PTDSS1: variants seen among roughly 807,000 people sequenced by gnomAD.
The protein encoded by PTDSS1 is phosphatidylserine synthase 1.
In PTDSS1, 45 loss-of-function variants were observed where a neutral mutation model predicts 70.5. That is an observed-to-expected ratio of 0.64 (90% CI 0.50 to 0.82). The LOEUF is 0.82. Ranked by LOEUF, PTDSS1 falls within the 40% of genes least tolerant of loss-of-function variation. PTDSS1 has a pLI of 0.00. For missense variants in PTDSS1, 417 were observed against 586.1 expected, an observed-to-expected ratio of 0.71 and a Z score of 2.98; for synonymous variants, 188 against 203.8, an observed-to-expected ratio of 0.92 and a Z score of 0.66.
intron 12 of PTDSS1, among the ~76,000 whole-genome samples, chr8:96,332,645 A>G (rs1290971632): frequency 6.6e-6 from 1 of 152,270 alleles, no homozygotes; most frequent in Non-Finnish European, 1.5e-5. Flanking sequence ...ACTGAAGAGA[A>G]TTAAGCAGTA....
intron 6 of PTDSS1, among the ~76,000 whole-genome samples, chr8:96,300,483 A>G (rs1011455490): frequency 3.9e-5 from 6 of 152,162 alleles, no homozygotes; most frequent in African/African-American, 1.4e-4. Flanking sequence ...AATAGTTTTA[A>G]GTTGCATACC....
At chr8:96,303,305 T>G (rs1398648201) in intron 6 of PTDSS1, among the ~76,000 whole-genome samples, 1 of 152,152 alleles carries the variant, frequency 6.6e-6, no homozygotes, top group Non-Finnish European at 1.5e-5. Context: ...GGTGGGTGGA[T>G]GAAGGAACAG....
Position 96,334,085 on chromosome 8 carries a change from TTTA to T in PTDSS1, c.*520_*522del. On this transcript the variant is annotated 3_prime_UTR_variant, in exon 13 of 13. Transcript: ENST00000517309. ...TAAGTTAGGATGCTTTTTAACAGCC[TTTA>T]GAAGCCGCTGCTGAAATTGATACTG... 2.7e-6 allele frequency: 1 copy of T among 368,208 alleles called. No homozygotes were observed. The highest frequency in any genetic ancestry group is 4.9e-6 in the Non-Finnish European group (1 of 205,534). The allele number at this position is 368,208 out of a possible 1,614,324, so 22.8% of individuals were successfully genotyped here. A position where few individuals can be genotyped will look rare whatever the true frequency, so the allele number is the denominator to read the frequency against.
chr8:96,281,761 A>G (rs1810740859), intron 2 of PTDSS1, among the ~76,000 whole-genome samples: 1 of 152,148 alleles, frequency 6.6e-6, no homozygotes, highest in Non-Finnish European at 1.5e-5. Flanking sequence ...GAAAGTCCCC[A>G]GGTGCTCCTC....
At chr8:96,280,378 T>A (rs1810717793) in intron 2 of PTDSS1, among the ~76,000 whole-genome samples, 1 of 151,870 alleles carries the variant, frequency 6.6e-6, no homozygotes, top group African/African-American at 2.4e-5. Flanking sequence ...AAGAATTAGC[T>A]GGGCGTGGTG....
chr8:96,307,080 A>C (rs1811134648), intron 8 of PTDSS1, among the ~76,000 whole-genome samples: 1 of 152,140 alleles, frequency 6.6e-6, no homozygotes, highest in Admixed American at 6.5e-5. Context: ...CCCTGGATTA[A>C]TGTGGGGCCC....
chr8:96,294,254 A>G (rs981746788), intron 4 of PTDSS1, among the ~76,000 whole-genome samples: 1 of 152,150 alleles, frequency 6.6e-6, no homozygotes, highest in Non-Finnish European at 1.5e-5. Context: ...TAAAACTATT[A>G]TAGTTTATAG....
intron 1 of PTDSS1, among the ~76,000 whole-genome samples, chr8:96,264,600 T>A (rs1009864575): frequency 2.6e-5 from 4 of 152,232 alleles, no homozygotes; most frequent in Non-Finnish European, 5.9e-5. Flanking sequence ...TATGGTATTT[T>A]GTTTTAAATA....
chr8:96,307,890 G>A (rs1044201167), intron 8 of PTDSS1, among the ~76,000 whole-genome samples: 13 of 152,116 alleles, frequency 8.5e-5, no homozygotes, highest in African/African-American at 2.4e-4. Flanking sequence ...AAAATCCAAC[G>A]TTTTGAACTT....
intron 10 of PTDSS1, 108 bp downstream of exon 10, chr8:96,320,453 C>A: frequency 1.0e-6 from 1 of 967,676 alleles, no homozygotes; most frequent in Non-Finnish European, 1.6e-6. Flanking sequence ...CTTAGAAATT[C>A]ATAAAAAGAT....
At position 96,295,080 on chromosome 8, in the gene PTDSS1, CT is replaced by C; in HGVS notation, c.442-12del. On this transcript the variant is annotated splice_polypyrimidine_tract_variant and intron_variant, in intron 4 of 12. Transcript: ENST00000517309. Reference sequence around the variant, plus strand: ...TTTCTAGAGTTTCACTAATTATTCTCTTTTTTATTTTAAATAGGAGTATGCT... The same window carrying C: ...TTTCTAGAGTTTCACTAATTATTCTCTTTTTATTTTAAATAGGAGTATGCT... 6.3e-7 allele frequency: 1 copy of C among 1,586,542 alleles called. No individual in the cohort carries two copies. Among genetic ancestry groups the C allele is most frequent in the Non-Finnish European group, 8.6e-7 (1 of 1,166,732 alleles).
At chr8:96,294,557 A>T (rs1002911429) in intron 4 of PTDSS1, among the ~76,000 whole-genome samples, 2 of 152,158 alleles carry the variant, frequency 1.3e-5, no homozygotes, top group Non-Finnish European at 2.9e-5. Context: ...TCTTTTAATT[A>T]CTGAAGTTGG....
chr8:96,265,595 A>C (rs1446725453), intron 1 of PTDSS1, among the ~76,000 whole-genome samples: 2 of 147,288 alleles, frequency 1.4e-5, no homozygotes, highest in Non-Finnish European at 2.9e-5. Flanking sequence ...AAACAAAACA[A>C]AACAAAACAA....
chr8:96,284,809 G>A (rs190857299), intron 3 of PTDSS1, among the ~76,000 whole-genome samples: 116 of 152,288 alleles, frequency 7.6e-4, no homozygotes, highest in Admixed American at 1.1e-3. Context: ...AAATGTACAA[G>A]AACTCTAAGA....
At chr8:96,276,853 GT>G (rs1461043385) in intron 2 of PTDSS1, among the ~76,000 whole-genome samples, 1 of 152,150 alleles carries the variant, frequency 6.6e-6, no homozygotes, top group African/African-American at 2.4e-5. Context: ...TGTTGCTCAT[GT>G]GTTGTCTGTG....
In PTDSS1 at chr8:96,304,145, A is replaced by T. The variant is rs749275787; in HGVS notation, c.858A>T (p.Arg286Ser). ...TTGACCCCAAATCTTCTTTTCAGAG[A>T]GTAGCTGGAGTGTACCTTTTCATGA... ...RWFDPKSSFQ[R>S]VAGVYLFMII... Residue 286 changes from arginine to serine, a missense_variant, in exon 7 of 13, where the codon AGA (arginine) becomes AGT (serine). Physicochemically the swap from Arg to Ser is moderately radical, Grantham distance 110. Coordinates refer to ENST00000517309, the MANE Select transcript of PTDSS1 (RefSeq NM_014754.3). The T allele has an allele frequency of 6.2e-7, 1 of 1,613,700 alleles. No individual in the cohort carries two copies. Among genetic ancestry groups the T allele is most frequent in the African/African-American group, 1.3e-5 (1 of 74,868 alleles).
intron 2 of PTDSS1, among the ~76,000 whole-genome samples, chr8:96,276,560 G>A (rs191092485): frequency 1.2e-4 from 19 of 152,292 alleles, no homozygotes; most frequent in African/African-American, 2.9e-4. Flanking sequence ...AGGCTGAAAC[G>A]TGCCACCATG....
At chr8:96,328,381 G>T (rs1420471724) in intron 10 of PTDSS1, among the ~76,000 whole-genome samples, 2 of 152,204 alleles carry the variant, frequency 1.3e-5, no homozygotes. Flanking sequence ...CCATGAAAAT[G>T]GCACACTTAA....
chr8:96,263,911 A>G (rs932621779), intron 1 of PTDSS1, among the ~76,000 whole-genome samples: 5 of 152,212 alleles, frequency 3.3e-5, no homozygotes, highest in Non-Finnish European at 7.3e-5. Context: ...TACCTCTGGG[A>G]TTCATTTGAC....
Sources: gnomAD v4.1 joint callset for allele counts (sites outside exome capture counted in the v4.1 genomes callset) on GRCh38, gnomAD v4.1.1 for gene constraint, MANE v1.5 for transcripts, NCBI Gene and HGNC (gene_info 2026-07-23, HGNC 2026-07-21) for gene names.